SLF1: variants seen among roughly 807,000 people sequenced by gnomAD.
SLF1 encodes SMC5/6 complex localization factor 1, also known as SMC5-SMC6 complex localization factor protein 1.
In SLF1, 105 loss-of-function variants were observed where a neutral mutation model predicts 123.0. The observed-to-expected ratio is 0.85, with a 90% CI of 0.73 to 1.00. The LOEUF (loss-of-function observed/expected upper bound fraction) is 1.00. Ranked by LOEUF, SLF1 falls within the 50% of genes least tolerant of loss-of-function variation. The probability of loss-of-function intolerance (pLI) is 0.00; values close to 1 mark genes in which losing one functional copy is unlikely to be tolerated. For synonymous variants in SLF1, 434 were observed against 406.6 expected, an observed-to-expected ratio of 1.07 and a Z score of -0.81; for missense variants, 1,239 against 1,223.0, an observed-to-expected ratio of 1.01 and a Z score of -0.20.
Position 94,670,213 on chromosome 5 carries a change from TC to T in SLF1, c.1597del (p.His533ThrfsTer2). 1 of 1,529,042 alleles carries T rather than the reference TC, an allele frequency of 6.5e-7. No homozygotes were observed. The highest frequency in any genetic ancestry group is 2.2e-5 in the Admixed American group (1 of 45,736). The allele number at this position is 1,529,042 out of a possible 1,614,324, so 94.7% of individuals were successfully genotyped here. A position where few individuals can be genotyped will look rare whatever the true frequency, so the allele number is the denominator to read the frequency against. On this transcript the variant is annotated frameshift_variant, in exon 13 of 21. Transcript: ENST00000265140. LOFTEE classifies it high-confidence loss of function. Reference protein sequence around the residue: ...QISENIGSKVLHLTLLKFFFN... With the variant: ...QISENIGSKVXHLTLLKFFFN... ...TCAGAAAATATTGGCTCCAAGGTGCTCCACCTGACGCTACTCAAATTTTTCT... is the reference window on the plus strand; with the variant it reads ...TCAGAAAATATTGGCTCCAAGGTGCTCACCTGACGCTACTCAAATTTTTCT...
rs1752858210 is a variant in SLF1 at position 94,689,685 on chromosome 5, C to T, written c.2419+79C>T. The T allele has an allele frequency of 3.8e-6, 5 of 1,309,906 alleles. No individual in the cohort carries two copies. In the South Asian group the frequency reaches 5.9e-5, roughly 15 times the overall value. 81.1% of individuals were successfully genotyped at this position (1,309,906 alleles called of 1,614,324 possible). On this transcript the variant is annotated intron_variant, in intron 18 of 20. Transcript: ENST00000265140. ...AGTACTTGCAGGTTTCACACATTTG[C>T]CCTGATGAATACTTGAACTTAAATA...
At chr5:94,637,039 T>G (rs1367833440) in intron 4 of SLF1, among the ~76,000 whole-genome samples, 2 of 152,216 alleles carry the variant, frequency 1.3e-5, no homozygotes, top group African/African-American at 4.8e-5. Context: ...TTAAAGGGAT[T>G]ATTCTTTGTC....
Position 94,654,624 on chromosome 5 carries a change from A to G in SLF1, c.1033-6A>G, listed in dbSNP as rs1334735331. 74 of 1,532,238 alleles carry G rather than the reference A, an allele frequency of 4.8e-5. No homozygotes were observed. The highest frequency in any genetic ancestry group is 6.2e-5 in the Non-Finnish European group (70 of 1,137,650). The allele number at this position is 1,532,238 out of a possible 1,614,324, so 94.9% of individuals were successfully genotyped here. A position where few individuals can be genotyped will look rare whatever the true frequency, so the allele number is the denominator to read the frequency against. ...TTCTAAAGTCATTTTACTTTGCTAT[A>G]TGCAGAAAGAAATGAAGAATTCTAT... On this transcript the variant is annotated splice_polypyrimidine_tract_variant and splice_region_variant and intron_variant, in intron 8 of 20. Coordinates refer to ENST00000265140, the MANE Select transcript of SLF1 (RefSeq NM_032290.4).
intron 14 of SLF1, 75 bp from the exon 15 acceptor site, chr5:94,678,733 A>T: frequency 7.4e-7 from 1 of 1,357,740 alleles, no homozygotes; most frequent in Non-Finnish European, 1.0e-6. Context: ...CCCCTCAAAA[A>T]GTATTCAAAA....
chr5:94,648,726 C>T (rs930084697), intron 5 of SLF1, among the ~76,000 whole-genome samples: 2 of 152,214 alleles, frequency 1.3e-5, no homozygotes, highest in South Asian at 2.1e-4. Flanking sequence ...GTGATCCACC[C>T]GCCTTGGCTT....
intron 15 of SLF1, among the ~76,000 whole-genome samples, chr5:94,682,601 A>G (rs1021098264): frequency 1.1e-4 from 16 of 152,208 alleles, no homozygotes; most frequent in Non-Finnish European, 1.6e-4. Flanking sequence ...TCAGTTTAGT[A>G]TAATTTTTAG....
chr5:94,662,879 G>A (rs1170772434), intron 10 of SLF1, among the ~76,000 whole-genome samples: 1 of 151,902 alleles, frequency 6.6e-6, no homozygotes, highest in Non-Finnish European at 1.5e-5. Context: ...GAATATTTTT[G>A]ACTCAAATTA....
chr5:94,651,091 A>G (rs1747666783), intron 6 of SLF1, among the ~76,000 whole-genome samples: 1 of 152,184 alleles, frequency 6.6e-6, no homozygotes, highest in Non-Finnish European at 1.5e-5. Flanking sequence ...TATCCTTTCT[A>G]TGTTTAGATA....
intron 2 of SLF1, 81 bp from the exon 3 acceptor site, chr5:94,629,011 G>C: frequency 7.2e-7 from 1 of 1,395,730 alleles, no homozygotes; most frequent in Non-Finnish European, 9.8e-7. Context: ...ATGCCTTCTT[G>C]ATATTGTAGC....
At chr5:94,644,100 C>T (rs1370641786) in intron 5 of SLF1, among the ~76,000 whole-genome samples, 1 of 152,072 alleles carries the variant, frequency 6.6e-6, no homozygotes, top group Non-Finnish European at 1.5e-5. Context: ...CTGATTTTAT[C>T]TCAAATGTTT....
chr5:94,663,000 C>G (rs928437174), intron 10 of SLF1, among the ~76,000 whole-genome samples: 1 of 152,092 alleles, frequency 6.6e-6, no homozygotes, highest in Non-Finnish European at 1.5e-5. Flanking sequence ...TATGATTCTC[C>G]CAATCAGTTT....
chr5:94,627,594 A>G (rs12515566), intron 1 of SLF1, among the ~76,000 whole-genome samples: 12,163 of 98,906 alleles, frequency 0.12, 810 homozygotes, highest in East Asian at 0.39. Context: ...ACATATATAT[A>G]TATATATATA....
At chr5:94,677,339 T>G (rs972725283) in intron 14 of SLF1, among the ~76,000 whole-genome samples, 7 of 152,058 alleles carry the variant, frequency 4.6e-5, no homozygotes, top group Admixed American at 4.6e-4. Context: ...TGTGAAAAAA[T>G]CACAAAACAG....
At chr5:94,653,521 T>G in intron 8 of SLF1, 100 bp downstream of exon 8, 1 of 1,044,506 alleles carries the variant, frequency 9.6e-7, no homozygotes, top group Non-Finnish European at 1.3e-6. Flanking sequence ...GAAAAAATCT[T>G]GAGTCAATCT....
At chr5:94,689,073 T>C (rs952495292) in intron 17 of SLF1, among the ~76,000 whole-genome samples, 4 of 152,218 alleles carry the variant, frequency 2.6e-5, no homozygotes, top group African/African-American at 9.6e-5. Context: ...GTGTATGTTG[T>C]ATAAAACTCA....
intron 14 of SLF1, among the ~76,000 whole-genome samples, chr5:94,676,447 C>T (rs1751070724): frequency 6.6e-6 from 1 of 152,160 alleles, no homozygotes; most frequent in South Asian, 2.1e-4. Context: ...TGCCATATAG[C>T]CGCAACTGCA....
chr5:94,629,097 C>CA lies in SLF1; in HGVS notation c.125dup (p.Asn42LysfsTer8). 1 of 1,538,088 alleles carries CA rather than the reference C, an allele frequency of 6.5e-7. No homozygotes were observed. Among genetic ancestry groups the CA allele is most frequent in the Non-Finnish European group, 8.8e-7 (1 of 1,141,110 alleles). On this transcript the variant is annotated frameshift_variant, in exon 3 of 21. Coordinates refer to ENST00000265140, the MANE Select transcript of SLF1 (RefSeq NM_032290.4). LOFTEE classifies it high-confidence loss of function. ...ATGTGGATTTTTCCCTCCAGAAATA[C>CA]AAAAATTGTACACATCTTATAGCTG...
chr5:94,668,530 TTTACCATG>T (rs1268101322), intron 12 of SLF1, among the ~76,000 whole-genome samples: 1 of 151,948 alleles, frequency 6.6e-6, no homozygotes, highest in Non-Finnish European at 1.5e-5. Context: ...GAGATGGAGT[TTTACCATG>T]TTGGTCAGGC....
At chr5:94,643,990 AC>A (rs754546783) in intron 5 of SLF1, among the ~76,000 whole-genome samples, 4 of 152,134 alleles carry the variant, frequency 2.6e-5, no homozygotes, top group South Asian at 4.1e-4. Context: ...TCTCGTAGAT[AC>A]CATTATGTTT....
Sources: gnomAD v4.1 joint callset for allele counts (sites outside exome capture counted in the v4.1 genomes callset) on GRCh38, gnomAD v4.1.1 for gene constraint, MANE v1.5 for transcripts, NCBI Gene and HGNC (gene_info 2026-07-23, HGNC 2026-07-21) for gene names.